The following LY86 variants were observed in gnomAD, a reference collection of about 807,000 sequenced individuals.
LY86 encodes the protein MD-1, RP105-associated.
Under a neutral mutation model 17.3 loss-of-function variants are expected in LY86, and 20 were observed. The observed-to-expected ratio is 1.15, with a 90% CI of 0.81 to 1.68. LY86 has a LOEUF of 1.68. Among genes scored for constraint, LY86 ranks in the 40% most tolerant of loss-of-function variants. The pLI is 0.00. For synonymous variants in LY86, 74 were observed against 70.6 expected (o/e 1.05, Z -0.24); for missense variants, 200 against 191.9 (o/e 1.04, Z -0.25).
At chr6:6,605,979 C>T (rs1421166159) in intron 1 of LY86, among the ~76,000 whole-genome samples, 4 of 152,240 alleles carry the variant, frequency 2.6e-5, no homozygotes, top group African/African-American at 4.8e-5. Context: ...AAAGAGCGAC[C>T]ACCAGCAAAA....
chr6:6,637,151 T>C (rs1761972570), intron 3 of LY86, among the ~76,000 whole-genome samples: 1 of 151,972 alleles, frequency 6.6e-6, no homozygotes, highest in Admixed American at 6.6e-5. Context: ...GAGCTGGGAC[T>C]AGAGGCGCCC....
intron 1 of LY86, among the ~76,000 whole-genome samples, chr6:6,594,510 C>T (rs1760639441): frequency 6.6e-6 from 1 of 152,160 alleles, no homozygotes; most frequent in African/African-American, 2.4e-5. Flanking sequence ...CTCCACAGAG[C>T]GTTATAATCA....
chr6:6,607,081 A>G (rs1761188191), intron 1 of LY86, among the ~76,000 whole-genome samples: 1 of 152,244 alleles, frequency 6.6e-6, no homozygotes, highest in African/African-American at 2.4e-5. Flanking sequence ...GCCATGTTGG[A>G]GGCTGCCTAG....
At chr6:6,652,153 G>A (rs147421045) in intron 4 of LY86, among the ~76,000 whole-genome samples, 4 of 150,900 alleles carry the variant, frequency 2.7e-5, no homozygotes, top group East Asian at 1.9e-4. Context: ...AGTGCAGAAC[G>A]TAAGTTCTTC....
chr6:6,630,177 G>A (rs1761878494), intron 3 of LY86, among the ~76,000 whole-genome samples: 1 of 152,178 alleles, frequency 6.6e-6, no homozygotes, highest in Non-Finnish European at 1.5e-5. Flanking sequence ...TATCATTACA[G>A]GAAAGAATAG....
chr6:6,645,535 C>CAAGG (rs760254248), intron 3 of LY86, among the ~76,000 whole-genome samples: 3 of 151,510 alleles, frequency 2.0e-5, no homozygotes, highest in Non-Finnish European at 4.4e-5. Flanking sequence ...CTTCCTAGGT[C>CAAGG]AAGGAAGGAA....
At chr6:6,611,842 C>T (rs974002927) in intron 1 of LY86, among the ~76,000 whole-genome samples, 1 of 152,180 alleles carries the variant, frequency 6.6e-6, no homozygotes, top group African/African-American at 2.4e-5. Context: ...TTTTGTCTCT[C>T]CTGTCAATCT....
intron 1 of LY86, among the ~76,000 whole-genome samples, chr6:6,597,046 G>A (rs1760737273): frequency 6.6e-6 from 1 of 152,204 alleles, no homozygotes; most frequent in South Asian, 2.1e-4. Flanking sequence ...TCTTTGGAGA[G>A]GTAGAAATGG....
At chr6:6,614,427 C>T (rs1245557882) in intron 1 of LY86, among the ~76,000 whole-genome samples, 1 of 147,894 alleles carries the variant, frequency 6.8e-6, no homozygotes, top group African/African-American at 2.5e-5. Context: ...ACCTTCAAAT[C>T]ATTGCTCTCC....
At chr6:6,589,749 C>G (rs1160828089) in intron 1 of LY86, among the ~76,000 whole-genome samples, 2 of 151,030 alleles carry the variant, frequency 1.3e-5, no homozygotes, top group African/African-American at 2.5e-5. Flanking sequence ...GTCCTCATCT[C>G]CTCTTCTTAT....
intron 1 of LY86, among the ~76,000 whole-genome samples, chr6:6,607,793 G>C (rs955053480): frequency 2.6e-5 from 4 of 151,872 alleles, no homozygotes; most frequent in African/African-American, 4.8e-5. Context: ...CCAGCTACTC[G>C]GGAGGTTGAG....
chr6:6,641,408 C>G (rs1762038015), intron 3 of LY86, among the ~76,000 whole-genome samples: 1 of 152,198 alleles, frequency 6.6e-6, no homozygotes, highest in South Asian at 2.1e-4. Flanking sequence ...CTCCTGCTTC[C>G]TCCAGTCCCT....
intron 4 of LY86, among the ~76,000 whole-genome samples, chr6:6,650,124 G>A (rs1350077091): frequency 6.6e-6 from 1 of 152,172 alleles, no homozygotes; most frequent in African/African-American, 2.4e-5. Context: ...AGGCATGAAG[G>A]TCCTCCAGTT....
chr6:6,602,947 T>C (rs1444665956), intron 1 of LY86, among the ~76,000 whole-genome samples: 2 of 150,880 alleles, frequency 1.3e-5, no homozygotes, highest in African/African-American at 5.0e-5. Context: ...CATAAAAAAG[T>C]ACTTTAGATC....
chr6:6,647,968 T>TACACAC (rs57233850), intron 3 of LY86, among the ~76,000 whole-genome samples: 1,487 of 144,764 alleles, frequency 0.01, 16 homozygotes, highest in East Asian at 0.025. Context: ...AATCATCACA[T>TACACAC]ACACACACAC....
At chr6:6,654,089 C>T (rs897220449) in intron 4 of LY86, among the ~76,000 whole-genome samples, 1 of 152,194 alleles carries the variant, frequency 6.6e-6, no homozygotes, top group African/African-American at 2.4e-5. Context: ...CCTCACCCCC[C>T]CCATCCCCCC....
chr6:6,605,031 A>AG (rs1483705667), intron 1 of LY86, among the ~76,000 whole-genome samples: 1 of 136,040 alleles, frequency 7.4e-6, no homozygotes, highest in Non-Finnish European at 1.6e-5. Context: ...AAGACTTTGG[A>AG]GAAAAAAAAA....
chr6:6,616,850 G>A (rs1226617466), intron 1 of LY86, among the ~76,000 whole-genome samples: 2 of 152,212 alleles, frequency 1.3e-5, no homozygotes, highest in Non-Finnish European at 2.9e-5. Flanking sequence ...ATCTGGCCCT[G>A]TTTCTGTCCC....
chr6:6,596,750 A>C (rs1581230090), intron 1 of LY86, among the ~76,000 whole-genome samples: 2 of 152,348 alleles, frequency 1.3e-5, no homozygotes, highest in Admixed American at 1.3e-4. Flanking sequence ...CAAGCCACGT[A>C]GGTGTGTTCC....
Sources: allele counts gnomAD v4.1 joint callset (sites outside exome capture counted in the v4.1 genomes callset), GRCh38; gene constraint gnomAD v4.1.1; transcripts MANE v1.5; gene names NCBI Gene and HGNC (gene_info 2026-07-23, HGNC 2026-07-21).